CCR3: variants seen among roughly 807,000 people sequenced by gnomAD.
The protein encoded by CCR3 is C-C chemokine receptor type 3.
For synonymous variants in CCR3, 203 were observed against 179.2 expected (o/e 1.13, Z -1.06); for missense variants, 419 against 437.5 (o/e 0.96, Z 0.38).
intron 1 of CCR3, among the ~76,000 whole-genome samples, chr3:46,245,802 CG>C (rs1283107832): frequency 6.6e-6 from 1 of 152,086 alleles, no homozygotes; most frequent in Non-Finnish European, 1.5e-5. Context: ...CAGAACATGT[CG>C]TATTTGGTTT....
chr3:46,212,073 C>T (rs1224086286), intron 2 of CCR3, among the ~76,000 whole-genome samples: 1 of 152,146 alleles, frequency 6.6e-6, no homozygotes, highest in Non-Finnish European at 1.5e-5. Flanking sequence ...CCATGGCATC[C>T]AATTTTGACT....
At chr3:46,244,997 A>T (rs1700163922) in intron 1 of CCR3, among the ~76,000 whole-genome samples, 1 of 152,158 alleles carries the variant, frequency 6.6e-6, no homozygotes, top group Non-Finnish European at 1.5e-5. Context: ...ATTCTTCATG[A>T]CCAACTCCTT....
intron 1 of CCR3, among the ~76,000 whole-genome samples, chr3:46,249,896 C>T (rs1457991903): frequency 6.6e-6 from 1 of 151,876 alleles, no homozygotes; most frequent in East Asian, 1.9e-4. Flanking sequence ...TCATTGTACA[C>T]CTTGAAGGTG....
At chr3:46,241,376 T>C (rs1361721716), upstream of CCR3, among the ~76,000 whole-genome samples, 1 of 152,154 alleles carries the variant, frequency 6.6e-6, no homozygotes, top group Non-Finnish European at 1.5e-5. Context: ...AAATATTGGG[T>C]GAATACCTGC....
At chr3:46,256,473 C>T (rs576095464) in intron 1 of CCR3, among the ~76,000 whole-genome samples, 3 of 151,886 alleles carry the variant, frequency 2.0e-5, no homozygotes, top group African/African-American at 7.3e-5. Context: ...ACTCTGAAAA[C>T]AATAATTTAA....
chr3:46,258,095 A>T (rs537124240), intron 1 of CCR3, among the ~76,000 whole-genome samples: 1 of 152,278 alleles, frequency 6.6e-6, no homozygotes, highest in South Asian at 2.1e-4. Flanking sequence ...CACCTAATCC[A>T]CTCAGACTCA....
intron 2 of CCR3, among the ~76,000 whole-genome samples, chr3:46,230,674 C>T (rs41423346): frequency 0.014 from 2,145 of 152,152 alleles, 17 homozygotes; most frequent in Middle Eastern, 0.034. Flanking sequence ...AGCAGAGGGC[C>T]CAGCCCCCTC....
upstream of CCR3, among the ~76,000 whole-genome samples, chr3:46,237,932 T>G (rs528628885): frequency 2.0e-5 from 3 of 152,366 alleles, no homozygotes; most frequent in East Asian, 5.8e-4. Flanking sequence ...ACCTTCAAGT[T>G]TGAGAGAATA....
At chr3:46,230,925 TG>T (rs1179749116) in intron 2 of CCR3, among the ~76,000 whole-genome samples, 1 of 152,182 alleles carries the variant, frequency 6.6e-6, no homozygotes, top group Non-Finnish European at 1.5e-5. Flanking sequence ...TTGTTTGTTT[TG>T]TTTTTTGTTT....
At chr3:46,220,948 C>T (rs1207675600) in intron 2 of CCR3, among the ~76,000 whole-genome samples, 2 of 152,256 alleles carry the variant, frequency 1.3e-5, no homozygotes, top group South Asian at 2.1e-4. Context: ...GAAATCACAC[C>T]TAAGGAACTT....
chr3:46,243,930 C>T (rs1700144473), intron 1 of CCR3, among the ~76,000 whole-genome samples: 1 of 152,068 alleles, frequency 6.6e-6, no homozygotes, highest in Non-Finnish European at 1.5e-5. Context: ...CCCTTTTGCC[C>T]ATCTAATTGG....
rs945809080 is a variant in CCR3, at chr3:46,262,467, TG to T, written c.-11-2680del. ...ATTGGGTGATTTTTACTTTCGTTTTTGTGCTCTTCTTTCTTATTGTTCTTAC... is the reference window on the plus strand; with the variant it reads ...ATTGGGTGATTTTTACTTTCGTTTTTTGCTCTTCTTTCTTATTGTTCTTAC... On this transcript the variant is annotated intron_variant, in intron 1 of 1. Transcript: ENST00000395940. Among the ~76,000 whole-genome samples the T allele has an allele frequency of 1.2e-4, 19 of 152,286 alleles. No individual in the cohort carries two copies. In the East Asian group the frequency reaches 3.5e-3, roughly 28 times the overall value.
At chr3:46,239,754 T>C (rs1700060635), upstream of CCR3, among the ~76,000 whole-genome samples, 1 of 152,218 alleles carries the variant, frequency 6.6e-6, no homozygotes, top group Non-Finnish European at 1.5e-5. Context: ...TGGAGCAGTT[T>C]GCATTGATTA....
intron 1 of CCR3, among the ~76,000 whole-genome samples, chr3:46,252,343 ATTT>A (rs533486011): frequency 6.9e-6 from 1 of 145,418 alleles, no homozygotes; most frequent in African/African-American, 2.5e-5. Flanking sequence ...TGCCCAGCTA[ATTT>A]TTTTTTTTTT....
chr3:46,216,846 A>T (rs1480119424), intron 2 of CCR3, among the ~76,000 whole-genome samples: 2 of 152,240 alleles, frequency 1.3e-5, no homozygotes, highest in African/African-American at 4.8e-5. Flanking sequence ...AGAACTGCTA[A>T]AAAGAAGTCC....
intron 1 of CCR3, among the ~76,000 whole-genome samples, chr3:46,256,904 C>A (rs1186983164): frequency 6.6e-6 from 1 of 151,766 alleles, no homozygotes; most frequent in African/African-American, 2.4e-5. Context: ...AACACAGAGG[C>A]ACAAAAAGGA....
In CCR3 at chr3:46,242,602, G is replaced by A. The variant is rs9853223; in HGVS notation, c.-12+64G>A. On this transcript the variant is annotated intron_variant, in intron 1 of 1. Coordinates refer to ENST00000395940, the MANE Select transcript of CCR3 (RefSeq NM_178329.3). Reference sequence around the variant, plus strand: ...GGAGGGGTCCAGGCAGGTGGAAGTAGTAACTTCCAGCAGTGCTCTTGGATC... The same window carrying A: ...GGAGGGGTCCAGGCAGGTGGAAGTAATAACTTCCAGCAGTGCTCTTGGATC... The A allele has an allele frequency of 0.44, 66,717 of 151,774 alleles. 14,794 individuals are homozygous for A. The highest frequency in any genetic ancestry group is 0.47 in the Middle Eastern group (138 of 294). The allele number at this position is 151,774 out of a possible 1,614,324, so 9.4% of individuals were successfully genotyped here.
chr3:46,246,006 C>A (rs981589873), intron 1 of CCR3, among the ~76,000 whole-genome samples: 2 of 152,114 alleles, frequency 1.3e-5, no homozygotes, highest in Non-Finnish European at 2.9e-5. Context: ...ACAAAACATT[C>A]CAAGTTCTGC....
intron 1 of CCR3, among the ~76,000 whole-genome samples, chr3:46,256,283 G>A (rs1700422371): frequency 1.3e-5 from 2 of 151,982 alleles, no homozygotes; most frequent in Non-Finnish European, 2.9e-5. Context: ...GGCTTTTCAG[G>A]GAAATCAGGA....
Sources: gnomAD v4.1 joint callset for allele counts (sites outside exome capture counted in the v4.1 genomes callset) on GRCh38, gnomAD v4.1.1 for gene constraint, MANE v1.5 for transcripts, NCBI Gene and HGNC (gene_info 2026-07-23, HGNC 2026-07-21) for gene names.